ZDHHC14: variants seen among roughly 807,000 people sequenced by gnomAD.
The protein encoded by ZDHHC14 is palmitoyltransferase ZDHHC14.
In ZDHHC14, 16 loss-of-function variants were observed where a neutral mutation model predicts 47.7. The observed-to-expected ratio is 0.34, with a 90% CI of 0.23 to 0.51. The LOEUF (loss-of-function observed/expected upper bound fraction) is 0.51. ZDHHC14 is among the 20% of genes least tolerant of loss of function. The probability of loss-of-function intolerance (pLI) is 0.97; values close to 1 mark genes in which losing one functional copy is unlikely to be tolerated. For synonymous variants in ZDHHC14, 293 were observed against 278.9 expected (o/e 1.05, Z -0.50); for missense variants, 515 against 662.5 (o/e 0.78, Z 2.44).
At chr6:157,553,948 T>C (rs1284492086) in intron 2 of ZDHHC14, among the ~76,000 whole-genome samples, 1 of 152,156 alleles carries the variant, frequency 6.6e-6, no homozygotes, top group Non-Finnish European at 1.5e-5. Flanking sequence ...TGCCACCATG[T>C]TTGGTAAGGA....
intron 5 of ZDHHC14, among the ~76,000 whole-genome samples, chr6:157,633,404 T>C (rs1776803193): frequency 6.8e-6 from 1 of 146,012 alleles, no homozygotes; most frequent in Non-Finnish European, 1.5e-5. Flanking sequence ...CTCAAGTCAT[T>C]TGGATTAATG....
chr6:157,428,646 C>G (rs1334519044), intron 1 of ZDHHC14, among the ~76,000 whole-genome samples: 2 of 151,152 alleles, frequency 1.3e-5, no homozygotes, highest in Non-Finnish European at 2.9e-5. Context: ...CGCCCCTAGC[C>G]CCCGAGCACA....
intron 3 of ZDHHC14, among the ~76,000 whole-genome samples, chr6:157,609,580 G>A (rs909356944): frequency 3.3e-5 from 5 of 152,014 alleles, no homozygotes; most frequent in Admixed American, 1.3e-4. Context: ...TAGGTTGCTC[G>A]AGGGTCTTAA....
At chr6:157,523,549 C>A (rs1388017258) in intron 1 of ZDHHC14, among the ~76,000 whole-genome samples, 1 of 152,020 alleles carries the variant, frequency 6.6e-6, no homozygotes, top group Non-Finnish European at 1.5e-5. Context: ...ACCACAGGGG[C>A]ATAAAAGTTG....
At chr6:157,429,280 T>C (rs376518886) in intron 1 of ZDHHC14, among the ~76,000 whole-genome samples, 1 of 152,280 alleles carries the variant, frequency 6.6e-6, no homozygotes, top group African/African-American at 2.4e-5. Flanking sequence ...GAGAATAGAA[T>C]AGAAACAGAG....
intron 2 of ZDHHC14, among the ~76,000 whole-genome samples, chr6:157,555,558 C>A (rs1181796889): frequency 6.6e-6 from 1 of 152,216 alleles, no homozygotes; most frequent in Non-Finnish European, 1.5e-5. Context: ...GTTAATCCAT[C>A]TTAGGCATGG....
intron 8 of ZDHHC14, among the ~76,000 whole-genome samples, chr6:157,657,862 T>C (rs78828425): frequency 0.028 from 4,215 of 152,142 alleles, 127 homozygotes; most frequent in African/African-American, 0.074. Flanking sequence ...AGAGGAACAT[T>C]GGAGATGGGG....
In ZDHHC14 at chr6:157,467,149, A is replaced by G. The variant is rs1779238495; in HGVS notation, c.246-75436A>G. The stretch of plus-strand genomic sequence containing the variant: ...AATTCTCGCATTGCAAGATTTTTTT[A>G]CAGCACCTTTATTGAGATGTAACTC... On this transcript the variant is annotated intron_variant, in intron 1 of 8. Transcript: ENST00000359775. 3.3e-5 allele frequency among the ~76,000 whole-genome samples: 5 copies of G among 152,342 alleles called. No homozygotes were observed. The South Asian group carries it at 8.3e-4, about 25-fold the overall frequency.
chr6:157,538,170 A>G (rs972361995), intron 1 of ZDHHC14, among the ~76,000 whole-genome samples: 2 of 152,222 alleles, frequency 1.3e-5, no homozygotes, highest in African/African-American at 2.4e-5. Flanking sequence ...AGCACCTAGC[A>G]TTATACAGAG....
intron 1 of ZDHHC14, among the ~76,000 whole-genome samples, chr6:157,507,390 T>G (rs1780352855): frequency 6.6e-6 from 1 of 151,778 alleles, no homozygotes; most frequent in Non-Finnish European, 1.5e-5. Flanking sequence ...TTCAAGCAAT[T>G]CTCATGTCTC....
intron 2 of ZDHHC14, among the ~76,000 whole-genome samples, chr6:157,559,121 A>C (rs1249836751): frequency 6.6e-6 from 1 of 152,242 alleles, no homozygotes; most frequent in Non-Finnish European, 1.5e-5. Flanking sequence ...TCTTTAATCA[A>C]TATTTTAATA....
intron 1 of ZDHHC14, among the ~76,000 whole-genome samples, chr6:157,424,176 A>C (rs1041770220): frequency 5.3e-5 from 8 of 152,256 alleles, no homozygotes; most frequent in African/African-American, 1.9e-4. Context: ...TGATATATTT[A>C]AACTCACTTT....
chr6:157,610,281 A>G (rs1271531662), intron 3 of ZDHHC14, among the ~76,000 whole-genome samples: 1 of 152,002 alleles, frequency 6.6e-6, no homozygotes, highest in Non-Finnish European at 1.5e-5. Flanking sequence ...AAATACAAAA[A>G]ATTAGTCAGG....
In ZDHHC14 at chr6:157,622,967, C is replaced by T. The variant is rs1466581811; in HGVS notation, c.566-5382C>T. Among the ~76,000 whole-genome samples, 4 of 152,174 alleles carry T rather than the reference C, an allele frequency of 2.6e-5. No individual in the cohort carries two copies. In the East Asian group the frequency reaches 7.7e-4, roughly 29 times the overall value. ...GAAATGATTCCTCCCCTCTGGGAGC[C>T]AGCTGGATGAAAGAGGAGAGCAGGT... On this transcript the variant is annotated intron_variant, in intron 3 of 8. Coordinates refer to ENST00000359775, the MANE Select transcript of ZDHHC14 (RefSeq NM_024630.3).
At chr6:157,406,743 C>T (rs1378805682) in intron 1 of ZDHHC14, among the ~76,000 whole-genome samples, 2 of 152,186 alleles carry the variant, frequency 1.3e-5, no homozygotes, top group Non-Finnish European at 1.5e-5. Flanking sequence ...TAAATGGTGC[C>T]GTTACTTGTA....
chr6:157,507,754 C>T (rs991992499), intron 1 of ZDHHC14, among the ~76,000 whole-genome samples: 1 of 152,158 alleles, frequency 6.6e-6, no homozygotes, highest in Non-Finnish European at 1.5e-5. Context: ...TCATGATCAT[C>T]CTGAGGGTTT....
intron 3 of ZDHHC14, among the ~76,000 whole-genome samples, chr6:157,620,910 G>A (rs1304538670): frequency 6.6e-6 from 1 of 152,176 alleles, no homozygotes; most frequent in Non-Finnish European, 1.5e-5. Flanking sequence ...TGCAAAATGG[G>A]AATAATAACA....
intron 2 of ZDHHC14, among the ~76,000 whole-genome samples, chr6:157,550,849 C>T (rs796455368): frequency 4.6e-5 from 7 of 152,286 alleles, no homozygotes; most frequent in East Asian, 1.9e-4. Flanking sequence ...TGAGCTGGCA[C>T]GATGATGGCG....
chr6:157,493,656 G>A (rs774071298), intron 1 of ZDHHC14, among the ~76,000 whole-genome samples: 1 of 152,270 alleles, frequency 6.6e-6, no homozygotes, highest in South Asian at 2.1e-4. Context: ...TGCTGTGTGG[G>A]CACAGCCCTG....
Sources: gnomAD v4.1 joint callset for allele counts (sites outside exome capture counted in the v4.1 genomes callset) on GRCh38, gnomAD v4.1.1 for gene constraint, MANE v1.5 for transcripts, NCBI Gene and HGNC (gene_info 2026-07-23, HGNC 2026-07-21) for gene names.